The following GRHL2 variants were observed in gnomAD, a reference collection of about 807,000 sequenced individuals.
GRHL2 encodes grainyhead like transcription factor 2.
In GRHL2, 21 loss-of-function variants were observed where a neutral mutation model predicts 83.8. That is an observed-to-expected ratio of 0.25 (90% CI 0.18 to 0.36). The LOEUF (loss-of-function observed/expected upper bound fraction) is 0.36. GRHL2 is among the 10% of genes least tolerant of loss of function. GRHL2 has a pLI of 1.00. For synonymous variants in GRHL2, 280 were observed against 278.9 expected (o/e 1.00, Z -0.04); for missense variants, 623 against 781.8 (o/e 0.80, Z 2.42).
chr8:101,649,653 A>G (rs1205460585), intron 14 of GRHL2, among the ~76,000 whole-genome samples, 154 bp downstream of exon 14: 4 of 152,122 alleles, frequency 2.6e-5, no homozygotes, highest in Non-Finnish European at 4.4e-5. Flanking sequence ...TGATCTCGCT[A>G]CTGTCAAGGC....
At chr8:101,622,814 G>A (rs1379873363) in intron 9 of GRHL2, among the ~76,000 whole-genome samples, 1 of 152,148 alleles carries the variant, frequency 6.6e-6, no homozygotes, top group Non-Finnish European at 1.5e-5. Context: ...CATGATATTT[G>A]TAGTCTTTTA....
chr8:101,660,812 C>T (rs1648725188), intron 14 of GRHL2, among the ~76,000 whole-genome samples: 1 of 152,212 alleles, frequency 6.6e-6, no homozygotes, highest in African/African-American at 2.4e-5. Flanking sequence ...TGAGATGAGA[C>T]TTCAGAGCTG....
intron 2 of GRHL2, 137 bp downstream of exon 2, chr8:101,543,573 C>G (rs1046592741): frequency 1.3e-5 from 10 of 793,210 alleles, no homozygotes; most frequent in Admixed American, 1.0e-4. Context: ...TCAGCCTCTT[C>G]CTGTTCTCCT....
At chr8:101,586,237 T>A (rs1812168172) in intron 7 of GRHL2, among the ~76,000 whole-genome samples, 1 of 152,050 alleles carries the variant, frequency 6.6e-6, no homozygotes, top group African/African-American at 2.4e-5. Context: ...CTCATGTTTC[T>A]TAAAAGAGGA....
intron 8 of GRHL2, among the ~76,000 whole-genome samples, chr8:101,605,828 A>T (rs910111402): frequency 6.6e-6 from 1 of 152,174 alleles, no homozygotes; most frequent in African/African-American, 2.4e-5. Flanking sequence ...GCATGCTTTC[A>T]ATTACAGTGC....
At chr8:101,507,815 T>G (rs1810371959) in intron 1 of GRHL2, among the ~76,000 whole-genome samples, 1 of 128,434 alleles carries the variant, frequency 7.8e-6, no homozygotes. Context: ...TCTTACTCTG[T>G]CACTCAGGCT....
chr8:101,589,335 A>T (rs1177108305), intron 7 of GRHL2, among the ~76,000 whole-genome samples: 1 of 152,220 alleles, frequency 6.6e-6, no homozygotes, highest in African/African-American at 2.4e-5. Flanking sequence ...AATGAGTTGA[A>T]TGTTAAGCCT....
intron 15 of GRHL2, among the ~76,000 whole-genome samples, chr8:101,666,303 C>T (rs1216272760): frequency 2.0e-5 from 3 of 152,176 alleles, no homozygotes; most frequent in African/African-American, 4.8e-5. Context: ...AACTGTGATT[C>T]TGGGCTTCCT....
intron 12 of GRHL2, among the ~76,000 whole-genome samples, chr8:101,640,812 T>C (rs981713364): frequency 6.6e-6 from 1 of 152,170 alleles, no homozygotes; most frequent in African/African-American, 2.4e-5. Flanking sequence ...TTCAAGATCT[T>C]ACCATTTCCA....
intron 1 of GRHL2, among the ~76,000 whole-genome samples, chr8:101,511,101 A>C (rs1162437922): frequency 1.1e-5 from 1 of 88,696 alleles, no homozygotes; most frequent in African/African-American, 7.5e-5. Context: ...ACTCCGTCTC[A>C]AAAAAAAAAA....
chr8:101,565,326 A>C (rs1334368858), intron 4 of GRHL2, among the ~76,000 whole-genome samples: 1 of 152,232 alleles, frequency 6.6e-6, no homozygotes, highest in Non-Finnish European at 1.5e-5. Flanking sequence ...TATAATCATA[A>C]TAAATCAAAA....
At chr8:101,658,651 G>A (rs1178686196) in intron 14 of GRHL2, among the ~76,000 whole-genome samples, 1 of 152,166 alleles carries the variant, frequency 6.6e-6, no homozygotes, top group East Asian at 1.9e-4. Context: ...TTGGGGAGCT[G>A]GGAATCAAAC....
chr8:101,604,118 T>G (rs1812578045), intron 8 of GRHL2, among the ~76,000 whole-genome samples: 1 of 151,806 alleles, frequency 6.6e-6, no homozygotes. Context: ...CCCATCCATA[T>G]GATCCCAATG....
downstream of GRHL2, among the ~76,000 whole-genome samples, chr8:101,674,364 G>C (rs1034953951): frequency 6.6e-6 from 1 of 152,148 alleles, no homozygotes; most frequent in African/African-American, 2.4e-5. Context: ...AATAAAAAAT[G>C]ATAAAGGGGA....
intron 4 of GRHL2, among the ~76,000 whole-genome samples, chr8:101,569,715 C>A (rs763944356): frequency 7.2e-5 from 11 of 152,236 alleles, no homozygotes; most frequent in Non-Finnish European, 1.2e-4. Context: ...AAGCAATCCT[C>A]CTGCCTTGGC....
At chr8:101,653,978 C>T (rs1563628377) in intron 14 of GRHL2, among the ~76,000 whole-genome samples, 1 of 152,162 alleles carries the variant, frequency 6.6e-6, no homozygotes, top group African/African-American at 2.4e-5. Context: ...TAATAAGTCA[C>T]CTTATGACAC....
intron 12 of GRHL2, among the ~76,000 whole-genome samples, chr8:101,640,240 G>A (rs1486512406): frequency 6.6e-6 from 1 of 152,092 alleles, no homozygotes; most frequent in East Asian, 1.9e-4. Flanking sequence ...AAAATAGCAG[G>A]ATAATAATAG....
chr8:101,649,385 C>T, intron 13 of GRHL2, 29 bp from the exon 14 acceptor site: 2 of 1,575,964 alleles, frequency 1.3e-6, no homozygotes, highest in Non-Finnish European at 8.7e-7. Flanking sequence ...GCCCCTCGGT[C>T]ACGTGGCTCT....
chr8:101,508,848 T>C (rs1321190103), intron 1 of GRHL2, among the ~76,000 whole-genome samples: 3 of 152,068 alleles, frequency 2.0e-5, no homozygotes, highest in Admixed American at 2.0e-4. Flanking sequence ...GATGAGACAG[T>C]TAGGTCAAGG....
Sources: gnomAD v4.1 joint callset for allele counts (sites outside exome capture counted in the v4.1 genomes callset) on GRCh38, gnomAD v4.1.1 for gene constraint, MANE v1.5 for transcripts, NCBI Gene and HGNC (gene_info 2026-07-23, HGNC 2026-07-21) for gene names.